HSPH1: variants seen among roughly 807,000 people sequenced by gnomAD.
HSPH1 encodes heat shock protein 105 kDa.
A neutral mutation model predicts 100.0 loss-of-function variants in HSPH1; 40 were observed. That is an observed-to-expected ratio of 0.40 (90% CI 0.31 to 0.52). The LOEUF is 0.52. Among genes scored for constraint, HSPH1 ranks in the 20% least tolerant of loss-of-function variants. The pLI is 0.54. For synonymous variants in HSPH1, 403 were observed against 344.0 expected, an observed-to-expected ratio of 1.17 and a Z score of -1.90; for missense variants, 876 against 1,015.1, an observed-to-expected ratio of 0.86 and a Z score of 1.86.
intron 2 of HSPH1, among the ~76,000 whole-genome samples, chr13:31,157,832 GAGATT>G (rs1160464395): frequency 1.4e-4 from 21 of 152,172 alleles, no homozygotes; most frequent in Admixed American, 1.2e-3. Context: ...AAACTGGTAA[GAGATT>G]AGATTAATTT....
chr13:31,142,330 T>G (rs1255118213), intron 12 of HSPH1, among the ~76,000 whole-genome samples: 2 of 152,106 alleles, frequency 1.3e-5, no homozygotes, highest in African/African-American at 4.8e-5. Flanking sequence ...CTGATCTCAG[T>G]GTTCCTTAGA....
intron 12 of HSPH1, among the ~76,000 whole-genome samples, chr13:31,141,646 C>T (rs1490667909): frequency 1.3e-5 from 2 of 152,022 alleles, no homozygotes; most frequent in Admixed American, 6.6e-5. Flanking sequence ...TCGACCAGTA[C>T]AAAACACGTT....
chr13:31,151,758 A>ACT lies in HSPH1; in HGVS notation c.530-17_530-16insAG. ...TTCAAAGCAACTACAAAAAATAAGT[A>ACT]TGTTTCAATTCTTTGGTTCACATTT... On this transcript the variant is annotated splice_polypyrimidine_tract_variant and intron_variant, in intron 5 of 17. Transcript: ENST00000320027. 1 of 1,594,620 alleles carries ACT rather than the reference A, an allele frequency of 6.3e-7. No individual in the cohort carries two copies. The highest frequency in any genetic ancestry group is 8.5e-7 in the Non-Finnish European group (1 of 1,172,288).
intron 2 of HSPH1, among the ~76,000 whole-genome samples, chr13:31,157,924 GTACTT>G (rs1956756819): frequency 7.2e-6 from 1 of 139,554 alleles, no homozygotes; most frequent in African/African-American, 2.7e-5. Flanking sequence ...ATCAGATACC[GTACTT>G]TACTTTTCAA....
chr13:31,157,998 G>A (rs1032970405), intron 2 of HSPH1, among the ~76,000 whole-genome samples: 3 of 152,070 alleles, frequency 2.0e-5, no homozygotes, highest in African/African-American at 7.2e-5. Flanking sequence ...TGATTCAGAC[G>A]AGCCACATTT....
chr13:31,152,641 A>T (rs975457482), intron 5 of HSPH1: 2 of 342,630 alleles, frequency 5.8e-6, no homozygotes, highest in African/African-American at 4.3e-5. Flanking sequence ...AAAAAACATG[A>T]AAAGAATTCT....
chr13:31,150,210 A>T, intron 7 of HSPH1, 28 bp from the exon 8 acceptor site: 1 of 1,472,054 alleles, frequency 6.8e-7, no homozygotes, highest in Non-Finnish European at 9.2e-7. Context: ...TGTTTTTAGA[A>T]AAGTTAAGAC....
chr13:31,157,376 G>A (rs1235495182), intron 2 of HSPH1, among the ~76,000 whole-genome samples: 4 of 152,026 alleles, frequency 2.6e-5, no homozygotes, highest in African/African-American at 9.7e-5. Context: ...ACCCCTTTTA[G>A]TTATCTCTCT....
intron 10 of HSPH1, among the ~76,000 whole-genome samples, chr13:31,146,274 T>C (rs1332555924): frequency 6.6e-6 from 1 of 152,214 alleles, no homozygotes; most frequent in African/African-American, 2.4e-5. Context: ...ATATATACTA[T>C]AACTATGACC....
Position 31,138,946 on chromosome 13 carries a change from A to G in HSPH1, c.2089-46T>C, listed in dbSNP as rs372315916. ...TTAATAGTTATCATAATTTTATTTTAAAGTCTATAGTTTAAAACACAAGTA... is the reference window on the plus strand; with the variant it reads ...TTAATAGTTATCATAATTTTATTTTGAAGTCTATAGTTTAAAACACAAGTA... On this transcript the variant is annotated intron_variant, in intron 15 of 17. Transcript: ENST00000320027. 23 of 1,577,106 alleles carry G rather than the reference A, an allele frequency of 1.5e-5. No individual in the cohort carries two copies. The African/African-American group carries it at 3.0e-4, about 21-fold the overall frequency.
At chr13:31,140,844 T>C (rs1362394403) in intron 13 of HSPH1, 3 of 259,324 alleles carry the variant, frequency 1.2e-5, no homozygotes, top group Non-Finnish European at 1.4e-5. Flanking sequence ...ATATTTAGTG[T>C]GCCGTGAAAT....
At chr13:31,140,438 T>C in intron 13 of HSPH1, 129 bp from the exon 14 acceptor site, 2 of 676,520 alleles carry the variant, frequency 3.0e-6, no homozygotes, top group Non-Finnish European at 4.6e-6. Flanking sequence ...TTCCAACTTA[T>C]ACCTTGTCAA....
At chr13:31,155,932 G>C (rs543080388) in intron 2 of HSPH1, among the ~76,000 whole-genome samples, 1 of 152,246 alleles carries the variant, frequency 6.6e-6, no homozygotes, top group South Asian at 2.1e-4. Context: ...AAATCTGCAA[G>C]ATAAACTCAA....
chr13:31,143,642 A>C (rs188525387), intron 12 of HSPH1, 150 bp downstream of exon 12: 10 of 659,522 alleles, frequency 1.5e-5, no homozygotes, highest in Admixed American at 3.2e-5. Context: ...AACTGGTTTT[A>C]GTTGAAAAAT....
At chr13:31,157,745 T>C (rs1173077732) in intron 2 of HSPH1, among the ~76,000 whole-genome samples, 2 of 152,222 alleles carry the variant, frequency 1.3e-5, no homozygotes, top group Non-Finnish European at 2.9e-5. Context: ...TCTGTCTAGA[T>C]CAGTGCTGTT....
intron 2 of HSPH1, among the ~76,000 whole-genome samples, chr13:31,157,483 T>G (rs1368888859): frequency 1.3e-5 from 2 of 152,200 alleles, no homozygotes; most frequent in Non-Finnish European, 2.9e-5. Context: ...GATTCATAAG[T>G]TTGATAAAGT....
At chr13:31,143,682 C>T (rs1440109132) in intron 12 of HSPH1, 110 bp downstream of exon 12, 6 of 982,952 alleles carry the variant, frequency 6.1e-6, no homozygotes, top group Non-Finnish European at 8.4e-6. Flanking sequence ...AAAAATCCTA[C>T]ACAGAACGAA....
chr13:31,149,272 GCAGT>G (rs537777447), intron 8 of HSPH1, among the ~76,000 whole-genome samples: 168 of 152,054 alleles, frequency 1.1e-3, no homozygotes, highest in African/African-American at 3.5e-3. Context: ...GTATACAAAG[GCAGT>G]CAGTCACTCT....
chr13:31,161,431 G>A lies in HSPH1; in HGVS notation c.107+45C>T, dbSNP rs771539752. ...CCGCGATCTTGGGTCCCCACACTAAGGGCCCAGAACCTCCTCCCATCCACC... is the reference window on the plus strand; with the variant it reads ...CCGCGATCTTGGGTCCCCACACTAAAGGCCCAGAACCTCCTCCCATCCACC... On this transcript the variant is annotated intron_variant, in intron 1 of 17. Coordinates refer to ENST00000320027, the MANE Select transcript of HSPH1 (RefSeq NM_006644.4). 2.1e-5 allele frequency: 34 copies of A among 1,605,868 alleles called. No homozygotes were observed. In the Admixed American group the frequency reaches 3.5e-4, roughly 17 times the overall value.
Sources: gnomAD v4.1 joint callset for allele counts (sites outside exome capture counted in the v4.1 genomes callset) on GRCh38, gnomAD v4.1.1 for gene constraint, MANE v1.5 for transcripts, NCBI Gene and HGNC (gene_info 2026-07-23, HGNC 2026-07-21) for gene names.